The following ZBTB7C variants were observed in gnomAD, a reference collection of about 807,000 sequenced individuals.
The protein encoded by ZBTB7C is zinc finger and BTB domain containing 7C.
Under a neutral mutation model 25.7 loss-of-function variants are expected in ZBTB7C, and 8 were observed. The ratio of observed to expected loss-of-function variants is 0.31; its 90% confidence interval spans 0.18 to 0.56. The LOEUF (loss-of-function observed/expected upper bound fraction) is 0.56. ZBTB7C is among the 20% of genes least tolerant of loss of function. The pLI is 0.91. For missense variants in ZBTB7C, 824 were observed against 855.2 expected (o/e 0.96, Z 0.46); for synonymous variants, 394 against 369.0 (o/e 1.07, Z -0.78).
chr18:48,342,911 A>G (rs774136345), intron 1 of ZBTB7C, among the ~76,000 whole-genome samples: 14 of 151,992 alleles, frequency 9.2e-5, no homozygotes, highest in Non-Finnish European at 1.6e-4. Flanking sequence ...ATTGTTTTTT[A>G]CTGGAGTTTC....
chr18:48,184,713 A>G (rs1220232932), intron 3 of ZBTB7C, among the ~76,000 whole-genome samples: 1 of 152,034 alleles, frequency 6.6e-6, no homozygotes, highest in African/African-American at 2.4e-5. Context: ...CAAGTGGACA[A>G]TTGGGAGTGC....
intron 2 of ZBTB7C, among the ~76,000 whole-genome samples, chr18:48,213,734 A>G (rs1309873601): frequency 6.6e-6 from 1 of 152,216 alleles, no homozygotes; most frequent in Non-Finnish European, 1.5e-5. Flanking sequence ...TCTGACCCCA[A>G]TGCAGAGGCT....
At position 48,068,139 on chromosome 18, in the gene ZBTB7C, T is replaced by TG. The variant is rs1491272115; in HGVS notation, c.-16-27017_-16-27016insC. 7.5e-5 allele frequency among the ~76,000 whole-genome samples: 5 copies of TG among 66,346 alleles called. No individual in the cohort carries two copies. The East Asian group carries it at 1.4e-3, about 18-fold the overall frequency. 43.5% of individuals were successfully genotyped at this position (66,346 alleles called of 152,430 possible). A position where few individuals can be genotyped will look rare whatever the true frequency, so the allele number is the denominator to read the frequency against. ...CACTCAAACTTGAGCCTTGTAAGTCTTTTTTTTTTTTTTTTTTGAGATGGA... is the reference window on the plus strand; with the variant it reads ...CACTCAAACTTGAGCCTTGTAAGTCTGTTTTTTTTTTTTTTTTTGAGATGGA... On this transcript the variant is annotated intron_variant, in intron 3 of 4. Coordinates refer to ENST00000590800, the MANE Select transcript of ZBTB7C (RefSeq NM_001318841.2).
At chr18:48,376,480 C>T (rs1433077533) in intron 1 of ZBTB7C, among the ~76,000 whole-genome samples, 8 of 152,332 alleles carry the variant, frequency 5.3e-5, no homozygotes, top group East Asian at 3.9e-4. Flanking sequence ...GGAAGGTCTC[C>T]GGTTGCCTAA....
At chr18:48,245,105 C>T (rs77003644) in intron 2 of ZBTB7C, among the ~76,000 whole-genome samples, 114,631 of 122,000 alleles carry the variant, frequency 0.94, 54,055 homozygotes, top group East Asian at 0.99. Flanking sequence ...TATATATATA[C>T]ACACACACAC....
At chr18:48,141,151 C>CA (rs905301188) in intron 3 of ZBTB7C, among the ~76,000 whole-genome samples, 5 of 145,380 alleles carry the variant, frequency 3.4e-5, no homozygotes, top group African/African-American at 7.7e-5. Flanking sequence ...GCACCACCCC[C>CA]CCCACTGTTC....
chr18:48,255,780 A>G (rs1373866288), intron 2 of ZBTB7C, among the ~76,000 whole-genome samples: 2 of 152,214 alleles, frequency 1.3e-5, no homozygotes, highest in Admixed American at 6.5e-5. Context: ...ATTGAAAATA[A>G]AAGCCAATTA....
At chr18:48,316,056 ACT>A (rs746239863) in intron 2 of ZBTB7C, among the ~76,000 whole-genome samples, 2 of 149,696 alleles carry the variant, frequency 1.3e-5, no homozygotes, top group Non-Finnish European at 3.0e-5. Flanking sequence ...TCTCCCACCC[ACT>A]CTCCCACCCA....
rs531640609 is a variant in ZBTB7C at position 48,032,953 on chromosome 18, T to A, written c.1209-3042A>T. Among the ~76,000 whole-genome samples the A allele has an allele frequency of 7.9e-5, 12 of 152,270 alleles. No homozygotes were observed. In the East Asian group the frequency reaches 2.3e-3, roughly 29 times the overall value. ...ATATCCTTTTATTGAACATCTGCTA[T>A]GGGCAGGTAAATACATGACTTCATT... On this transcript the variant is annotated intron_variant, in intron 4 of 4. Coordinates refer to ENST00000590800, the MANE Select transcript of ZBTB7C (RefSeq NM_001318841.2).
At chr18:48,071,674 G>A (rs550848432) in intron 3 of ZBTB7C, among the ~76,000 whole-genome samples, 4 of 152,260 alleles carry the variant, frequency 2.6e-5, no homozygotes, top group South Asian at 2.1e-4. Flanking sequence ...GCAAGAACTC[G>A]AACAGATATT....
chr18:48,031,698 C>A (rs112135105), intron 4 of ZBTB7C, among the ~76,000 whole-genome samples: 199 of 152,336 alleles, frequency 1.3e-3, no homozygotes, highest in African/African-American at 4.6e-3. Flanking sequence ...TAACCAGTTG[C>A]CACATGCTGG....
intron 2 of ZBTB7C, among the ~76,000 whole-genome samples, chr18:48,207,036 T>C (rs1415014155): frequency 2.6e-5 from 4 of 151,974 alleles, no homozygotes; most frequent in Non-Finnish European, 5.9e-5. Context: ...TAGGAAAATA[T>C]TTGAATAGGC....
chr18:48,110,368 C>T (rs1022674931), intron 3 of ZBTB7C, among the ~76,000 whole-genome samples: 1 of 152,164 alleles, frequency 6.6e-6, no homozygotes, highest in Non-Finnish European at 1.5e-5. Context: ...AAAGCCGCTT[C>T]TTCCTGGGCA....
chr18:48,371,789 T>C (rs576261495), intron 1 of ZBTB7C, among the ~76,000 whole-genome samples: 170 of 152,314 alleles, frequency 1.1e-3, no homozygotes, highest in Non-Finnish European at 2.1e-3. Context: ...GTAGCGAAGA[T>C]TAGGAACACT....
At chr18:48,152,020 C>G (rs987309864) in intron 3 of ZBTB7C, among the ~76,000 whole-genome samples, 11 of 152,104 alleles carry the variant, frequency 7.2e-5, no homozygotes, top group Non-Finnish European at 1.3e-4. Context: ...TGGGTGGGAC[C>G]AGTTGACAGT....
At chr18:48,323,997 C>A (rs1358114264) in intron 2 of ZBTB7C, among the ~76,000 whole-genome samples, 2 of 151,828 alleles carry the variant, frequency 1.3e-5, no homozygotes, top group African/African-American at 4.8e-5. Context: ...TAAAAGAGGC[C>A]CCAGAGAGCT....
chr18:48,087,937 C>T (rs9949802), intron 3 of ZBTB7C: 94,698 of 150,742 alleles, frequency 0.63, 30,111 homozygotes, highest in Middle Eastern at 0.69. Context: ...TTTCCTTTCA[C>T]TCTTTAAAGC....
chr18:48,177,111 C>T (rs1398685350), intron 3 of ZBTB7C, among the ~76,000 whole-genome samples: 1 of 152,256 alleles, frequency 6.6e-6, no homozygotes, highest in Non-Finnish European at 1.5e-5. Context: ...CCCTTTAGGG[C>T]ACAGAGCTGA....
chr18:48,378,146 A>T (rs1046484756), intron 1 of ZBTB7C, among the ~76,000 whole-genome samples: 2 of 152,188 alleles, frequency 1.3e-5, no homozygotes, highest in African/African-American at 2.4e-5. Flanking sequence ...TTCAAAAAAA[A>T]AGGAAGGTTG....
Sources: gnomAD v4.1 joint callset for allele counts (sites outside exome capture counted in the v4.1 genomes callset) on GRCh38, gnomAD v4.1.1 for gene constraint, MANE v1.5 for transcripts, NCBI Gene and HGNC (gene_info 2026-07-23, HGNC 2026-07-21) for gene names.